Variants in SLC2A9 observed in about 807,000 individuals in gnomAD.
The protein encoded by SLC2A9 is solute carrier family 2, facilitated glucose transporter member 9.
A neutral mutation model predicts 50.6 loss-of-function variants in SLC2A9; 39 were observed. The ratio of observed to expected loss-of-function variants is 0.77; its 90% confidence interval spans 0.60 to 1.01. The LOEUF is 1.01. Ranked by LOEUF, SLC2A9 falls within the 50% of genes least tolerant of loss-of-function variation. The pLI is 0.00. For synonymous variants in SLC2A9, 324 were observed against 276.9 expected (o/e 1.17, Z -1.69); for missense variants, 686 against 677.6 (o/e 1.01, Z -0.14).
Position 9,976,115 on chromosome 4 carries a change from T to C in SLC2A9, c.681+4477A>G, listed in dbSNP as rs1339497162. 2.6e-5 allele frequency among the ~76,000 whole-genome samples: 4 copies of C among 152,250 alleles called. No individual in the cohort carries two copies. The East Asian group carries it at 7.7e-4, about 29-fold the overall frequency. Reference sequence around the variant, plus strand: ...CAGTGGGATAGATGGAGGGGAGGGATAGAGGGGAGAAAAGTTGAAAAACTA... The same window carrying C: ...CAGTGGGATAGATGGAGGGGAGGGACAGAGGGGAGAAAAGTTGAAAAACTA... On this transcript the variant is annotated intron_variant, in intron 5 of 11. Transcript: ENST00000264784.
At chr4:9,928,770 C>T (rs555943553) in intron 6 of SLC2A9, among the ~76,000 whole-genome samples, 3 of 152,034 alleles carry the variant, frequency 2.0e-5, no homozygotes, top group Non-Finnish European at 2.9e-5. Context: ...AAAAAACTCT[C>T]GGATCTGCAC....
chr4:10,023,163 C>T (rs533145593), upstream of SLC2A9, among the ~76,000 whole-genome samples: 4 of 152,304 alleles, frequency 2.6e-5, no homozygotes, highest in South Asian at 6.2e-4. Context: ...GGCTTCTGAG[C>T]GGACAGAGAA....
At chr4:9,909,292 T>C (rs1469365871) in intron 7 of SLC2A9, among the ~76,000 whole-genome samples, 1 of 152,206 alleles carries the variant, frequency 6.6e-6, no homozygotes, top group Non-Finnish European at 1.5e-5. Context: ...TTTGAGAGTG[T>C]TGATAATTAT....
intron 7 of SLC2A9, among the ~76,000 whole-genome samples, chr4:9,916,484 G>A (rs550757958): frequency 1.8e-3 from 280 of 152,342 alleles, no homozygotes; most frequent in African/African-American, 6.4e-3. Flanking sequence ...CATTGAGAGA[G>A]GAGAAAACAA....
intron 6 of SLC2A9, among the ~76,000 whole-genome samples, chr4:9,938,366 G>C (rs937684678): frequency 1.3e-5 from 2 of 149,954 alleles, no homozygotes; most frequent in Non-Finnish European, 2.9e-5. Flanking sequence ...CTGCCTCCCA[G>C]GTTCACGCCA....
At chr4:9,824,215 C>T (rs933309572), downstream of SLC2A9, among the ~76,000 whole-genome samples, 2 of 151,992 alleles carry the variant, frequency 1.3e-5, no homozygotes, top group African/African-American at 2.4e-5. Context: ...CCATGTGATT[C>T]CCTTTGCCGC....
chr4:9,973,045 C>A (rs746633554), intron 5 of SLC2A9, among the ~76,000 whole-genome samples: 1 of 152,168 alleles, frequency 6.6e-6, no homozygotes, highest in East Asian at 1.9e-4. Context: ...GATTAATAGA[C>A]CACTAGCTAG....
rs761993732 is a variant in SLC2A9, at chr4:9,783,039, G to C, written n.386-2974C>G. 1.3e-5 allele frequency: 21 copies of C among 1,614,224 alleles called. No homozygotes were observed. Among genetic ancestry groups the C allele is most frequent in the Non-Finnish European group, 1.5e-5 (18 of 1,180,038 alleles). On this transcript the variant is annotated intron_variant and non_coding_transcript_variant, in intron 3 of 3. Transcript: ENST00000503803. The stretch of plus-strand genomic sequence containing the variant: ...CCTCCGGCCGGCTTCCCCTGCGTCA[G>C]TGAGACCACCTTCGACGTCTTCGTC...
intron 10 of SLC2A9, among the ~76,000 whole-genome samples, chr4:9,867,741 G>C (rs1440608832): frequency 6.6e-6 from 1 of 152,202 alleles, no homozygotes; most frequent in African/African-American, 2.4e-5. Flanking sequence ...CTGCCTGACT[G>C]CCTGGGAGAG....
intron 9 of SLC2A9, among the ~76,000 whole-genome samples, chr4:9,888,923 C>G (rs950590414): frequency 6.6e-6 from 1 of 152,108 alleles, no homozygotes; most frequent in Admixed American, 6.5e-5. Context: ...CTCACTCACT[C>G]ACTAATTCAG....
At chr4:9,783,569 G>GT (rs1718820059) in intron 3 of SLC2A9, 1 of 1,084,042 alleles carries the variant, frequency 9.2e-7, no homozygotes, top group Admixed American at 2.8e-5. Flanking sequence ...CCTTTATCAT[G>GT]TGTTTCTGTG....
intron 6 of SLC2A9, among the ~76,000 whole-genome samples, chr4:9,926,785 G>C (rs551961824): frequency 6.6e-6 from 1 of 152,250 alleles, no homozygotes; most frequent in South Asian, 2.1e-4. Context: ...TACTGTAGGA[G>C]GATGGACTCT....
downstream of SLC2A9, among the ~76,000 whole-genome samples, chr4:9,821,404 A>G (rs541045565): frequency 6.6e-6 from 1 of 152,154 alleles, no homozygotes; most frequent in African/African-American, 2.4e-5. Flanking sequence ...GGAACAGAAA[A>G]CGAAACACTG....
chr4:9,831,910 A>C (rs531612912), intron 11 of SLC2A9, among the ~76,000 whole-genome samples: 56 of 152,342 alleles, frequency 3.7e-4, no homozygotes, highest in African/African-American at 1.2e-3. Context: ...CATGAGCTGG[A>C]ACCTGACCCT....
chr4:10,010,440 CA>C (rs1370060230), intron 2 of SLC2A9, among the ~76,000 whole-genome samples: 3 of 152,130 alleles, frequency 2.0e-5, no homozygotes, highest in Middle Eastern at 3.2e-3. Context: ...TGAGAACCCC[CA>C]AATGTGTTAC....
chr4:9,864,394 GC>G (rs1455058113), intron 10 of SLC2A9, among the ~76,000 whole-genome samples: 2 of 152,320 alleles, frequency 1.3e-5, no homozygotes, highest in African/African-American at 4.8e-5. Flanking sequence ...GCCCCAAACA[GC>G]CTTCTGCTCT....
At chr4:9,969,912 T>C (rs1753623006) in intron 5 of SLC2A9, among the ~76,000 whole-genome samples, 1 of 152,212 alleles carries the variant, frequency 6.6e-6, no homozygotes, top group African/African-American at 2.4e-5. Flanking sequence ...AGCCAAACCA[T>C]ATCACCTCTC....
At chr4:10,019,100 G>A in intron 1 of SLC2A9, 27 bp from the exon 2 acceptor site, 1 of 1,543,064 alleles carries the variant, frequency 6.5e-7, no homozygotes, top group Non-Finnish European at 8.8e-7. Flanking sequence ...CCACGTCAGA[G>A]CCGGCACCGG....
chr4:9,969,812 C>T lies in SLC2A9; in HGVS notation c.681+10780G>A, dbSNP rs114167655. ...AGAACAGTATGGGAAAAATCCACCC[C>T]CATGATTCAATTATTTGCCACTGGG... On this transcript the variant is annotated intron_variant, in intron 5 of 11. Transcript: ENST00000264784. Among the ~76,000 whole-genome samples the T allele has an allele frequency of 9.5e-3, 1,453 of 152,268 alleles. 27 individuals carry two copies. Among genetic ancestry groups the T allele is most frequent in the African/African-American group, 0.034 (1,396 of 41,538 alleles).
Sources: allele counts gnomAD v4.1 joint callset (sites outside exome capture counted in the v4.1 genomes callset), GRCh38; gene constraint gnomAD v4.1.1; transcripts MANE v1.5; gene names NCBI Gene and HGNC (gene_info 2026-07-23, HGNC 2026-07-21).